Variants in IL1RAPL2 observed in about 807,000 individuals in gnomAD.
IL1RAPL2 encodes interleukin 1 receptor accessory protein like 2, also known as X-linked interleukin-1 receptor accessory protein-like 2.
IL1RAPL2 carries 3 observed loss-of-function variants against 44.1 expected under a neutral mutation model. That is an observed-to-expected ratio of 0.07 (90% CI 0.03 to 0.18). IL1RAPL2 has a LOEUF of 0.18. Among genes scored for constraint, IL1RAPL2 ranks in the 10% least tolerant of loss-of-function variants. The pLI is 1.00. For synonymous variants in IL1RAPL2, 181 were observed against 178.8 expected, an observed-to-expected ratio of 1.01 and a Z score of -0.10; for missense variants, 391 against 496.4, an observed-to-expected ratio of 0.79 and a Z score of 2.02.
At chrX:104,988,338 C>G (rs776132813) in intron 2 of IL1RAPL2, among the ~76,000 whole-genome samples, 2 of 112,295 alleles carry the variant, frequency 1.8e-5, no homozygotes, top group East Asian at 5.6e-4. Context: ...TCACTAAACA[C>G]TAAGAAATTG....
At chrX:105,217,676 A>G (rs1300824589) in intron 3 of IL1RAPL2, among the ~76,000 whole-genome samples, 2 of 112,214 alleles carry the variant, frequency 1.8e-5, no homozygotes, top group Non-Finnish European at 3.8e-5. Flanking sequence ...CACTATTCAC[A>G]ATAGCAAAGA....
chrX:105,097,184 C>T (rs756933131), intron 2 of IL1RAPL2, among the ~76,000 whole-genome samples: 2 of 108,809 alleles, frequency 1.8e-5, no homozygotes, highest in Admixed American at 9.9e-5. Context: ...AAAAATTAGT[C>T]GGGCGTGGTG....
At chrX:105,074,811 T>A (rs1194750286) in intron 2 of IL1RAPL2, among the ~76,000 whole-genome samples, 1 of 109,447 alleles carries the variant, frequency 9.1e-6, no homozygotes, top group East Asian at 2.9e-4. Flanking sequence ...CAATTGTGAG[T>A]GGGAGTTCAC....
At chrX:104,690,337 T>C (rs1327268989) in intron 2 of IL1RAPL2, among the ~76,000 whole-genome samples, 2 of 112,584 alleles carry the variant, frequency 1.8e-5, no homozygotes. Flanking sequence ...GCCAAGGGCC[T>C]TGCTGAAGAT....
At chrX:105,076,326 G>T (rs1396115970) in intron 2 of IL1RAPL2, among the ~76,000 whole-genome samples, 1 of 111,603 alleles carries the variant, frequency 9.0e-6, no homozygotes, top group Non-Finnish European at 1.9e-5. Context: ...GGAGCAGGTT[G>T]TTCAGTTTCC....
chrX:104,848,851 G>T (rs1242919980), intron 2 of IL1RAPL2, among the ~76,000 whole-genome samples: 3 of 110,017 alleles, frequency 2.7e-5, no homozygotes, highest in Non-Finnish European at 5.7e-5. Flanking sequence ...AAGTATTCAA[G>T]AACAAACTTA....
At chrX:105,189,337 G>A (rs1238786058) in intron 2 of IL1RAPL2, among the ~76,000 whole-genome samples, 2 of 111,942 alleles carry the variant, frequency 1.8e-5, no homozygotes, top group African/African-American at 3.3e-5. Context: ...CTGCCTCCCG[G>A]TCCCAAGCGA....
intron 2 of IL1RAPL2, among the ~76,000 whole-genome samples, chrX:105,089,551 G>A (rs770034820): frequency 9.9e-5 from 11 of 110,631 alleles, no homozygotes; most frequent in East Asian, 8.5e-4. Context: ...CCCCTACTCC[G>A]CCTCCACAAA....
intron 6 of IL1RAPL2, among the ~76,000 whole-genome samples, chrX:105,694,420 AG>A (rs759706267): frequency 2.1e-4 from 24 of 111,997 alleles, no homozygotes; most frequent in Non-Finnish European, 2.1e-4. Context: ...TTGAATGCAG[AG>A]GGTGAGGAAG....
At chrX:105,223,165 AT>A (rs2033983371) in intron 3 of IL1RAPL2, among the ~76,000 whole-genome samples, 1 of 109,982 alleles carries the variant, frequency 9.1e-6, no homozygotes, top group East Asian at 2.9e-4. Context: ...AAAAAAAAAA[AT>A]ACCTGTTGGG....
intron 1 of IL1RAPL2, among the ~76,000 whole-genome samples, chrX:104,603,965 G>C (rs1313414804): frequency 9.0e-6 from 1 of 111,279 alleles, no homozygotes; most frequent in Non-Finnish European, 1.9e-5. Context: ...ACACCACAAA[G>C]ATACTCCTTG....
chrX:105,660,283 GTCCTTCAAACA>G (rs1452930456), intron 6 of IL1RAPL2, among the ~76,000 whole-genome samples: 1 of 111,301 alleles, frequency 9.0e-6, no homozygotes, highest in Non-Finnish European at 1.9e-5. Flanking sequence ...CAGTGCAAAT[GTCCTTCAAACA>G]TGAAGGATTA....
chrX:105,590,897 G>C (rs1376537745), intron 6 of IL1RAPL2, among the ~76,000 whole-genome samples: 4 of 106,154 alleles, frequency 3.8e-5, no homozygotes, highest in African/African-American at 1.4e-4. Flanking sequence ...ATCTCTGCTA[G>C]ATTTTGGTGT....
intron 2 of IL1RAPL2, among the ~76,000 whole-genome samples, chrX:104,815,438 C>T (rs954322367): frequency 2.7e-5 from 3 of 111,113 alleles, no homozygotes; most frequent in African/African-American, 9.8e-5. Context: ...AACCAACTAA[C>T]TCTGGACAAA....
intron 10 of IL1RAPL2, among the ~76,000 whole-genome samples, chrX:105,759,955 T>C (rs1000644518): frequency 8.9e-6 from 1 of 111,864 alleles, no homozygotes; most frequent in Admixed American, 9.5e-5. Flanking sequence ...CAATCTGATG[T>C]GTGTGACCTA....
intron 2 of IL1RAPL2, among the ~76,000 whole-genome samples, chrX:104,849,559 A>G (rs1002564949): frequency 1.8e-5 from 2 of 108,624 alleles, no homozygotes; most frequent in African/African-American, 6.7e-5. Context: ...CACAGAAAAG[A>G]TAGCTGTTTT....
At chrX:104,995,591 G>A (rs376538658) in intron 2 of IL1RAPL2, among the ~76,000 whole-genome samples, 2 of 112,049 alleles carry the variant, frequency 1.8e-5, no homozygotes, top group South Asian at 3.7e-4. Flanking sequence ...GCTGAATTGA[G>A]TTGCCTTTAG....
In IL1RAPL2 at chrX:105,355,106, G is replaced by T. The variant is rs760748833; in HGVS notation, c.697+87565G>T. On this transcript the variant is annotated intron_variant, in intron 5 of 10. Coordinates refer to ENST00000372582, the MANE Select transcript of IL1RAPL2 (RefSeq NM_017416.2). ...ACCCTGTGTCTCCTTGTTCCACCAT[G>T]CAATCCATTTTTTACCTACCGGCCG... 2.1e-4 allele frequency among the ~76,000 whole-genome samples: 23 copies of T among 111,520 alleles called. No homozygotes were observed. The Admixed American group carries it at 2.2e-3, about 11-fold the overall frequency.
intron 2 of IL1RAPL2, among the ~76,000 whole-genome samples, chrX:104,908,990 G>A (rs1456410573): frequency 8.2e-5 from 9 of 109,799 alleles, no homozygotes; most frequent in Non-Finnish European, 1.5e-4. Context: ...CCAATCAGAC[G>A]TAGATTTGGT....
Sources: allele counts gnomAD v4.1 joint callset (sites outside exome capture counted in the v4.1 genomes callset), GRCh38; gene constraint gnomAD v4.1.1; transcripts MANE v1.5; gene names NCBI Gene and HGNC (gene_info 2026-07-23, HGNC 2026-07-21).